Variants in CPEB3 observed in about 807,000 individuals in gnomAD.
CPEB3 encodes cytoplasmic polyadenylation element binding protein 3.
Under a neutral mutation model 67.2 loss-of-function variants are expected in CPEB3, and 20 were observed. The ratio of observed to expected loss-of-function variants is 0.30; its 90% CI spans 0.21 to 0.43. The LOEUF (loss-of-function observed/expected upper bound fraction) is 0.43, where lower values mean the gene tolerates loss of function less well. CPEB3 is among the 20% of genes least tolerant of loss of function. CPEB3 has a pLI of 1.00. For synonymous variants in CPEB3, 376 were observed against 393.1 expected (o/e 0.96, Z 0.51); for missense variants, 746 against 968.6 (o/e 0.77, Z 3.05).
intron 6 of CPEB3, among the ~76,000 whole-genome samples, chr10:92,133,865 CA>C: frequency 6.6e-6 from 1 of 152,088 alleles, no homozygotes; most frequent in Non-Finnish European, 1.5e-5. Context: ...TTCAACATTG[CA>C]AATCAATAAA....
intron 1 of CPEB3, among the ~76,000 whole-genome samples, chr10:92,269,540 C>T (rs1853209499): frequency 9.2e-5 from 14 of 151,820 alleles, no homozygotes; most frequent in Admixed American, 9.2e-4. Context: ...GCATCTTGAC[C>T]CAGCTGATGA....
chr10:92,093,592 C>T (rs984661602), intron 7 of CPEB3, among the ~76,000 whole-genome samples: 1 of 151,676 alleles, frequency 6.6e-6, no homozygotes, highest in Admixed American at 6.6e-5. Flanking sequence ...ACCTCCACCC[C>T]CCAGGTTCAA....
At chr10:92,174,454 AAGT>A (rs1848136691) in intron 4 of CPEB3, among the ~76,000 whole-genome samples, 1 of 152,224 alleles carries the variant, frequency 6.6e-6, no homozygotes, top group African/African-American at 2.4e-5. Context: ...CTAAAGTTCC[AAGT>A]TTCTTGGTGT....
intron 4 of CPEB3, among the ~76,000 whole-genome samples, chr10:92,152,179 C>A (rs1846996928): frequency 6.6e-6 from 1 of 152,212 alleles, no homozygotes; most frequent in African/African-American, 2.4e-5. Context: ...TAGGCTTCCT[C>A]AAAGTAAGCC....
At chr10:92,121,213 T>A (rs1041401952) in intron 6 of CPEB3, among the ~76,000 whole-genome samples, 14 of 151,132 alleles carry the variant, frequency 9.3e-5, no homozygotes, top group African/African-American at 3.4e-4. Flanking sequence ...TTTCACCATG[T>A]TGACCAGGAT....
intron 1 of CPEB3, among the ~76,000 whole-genome samples, chr10:92,287,655 T>C (rs1393476374): frequency 6.6e-6 from 1 of 152,128 alleles, no homozygotes; most frequent in Non-Finnish European, 1.5e-5. Context: ...ATTACTCTTT[T>C]AAAAGCTTTA....
At chr10:92,163,186 G>A (rs1847578199) in intron 4 of CPEB3, among the ~76,000 whole-genome samples, 1 of 152,158 alleles carries the variant, frequency 6.6e-6, no homozygotes. Context: ...TGTAATCCCA[G>A]CACTCTGGGA....
rs758844265 is a variant in CPEB3 at position 92,239,776 on chromosome 10, G to A, written c.575C>T (p.Ser192Leu). The change falls in exon 2 of 10, where the codon TCA becomes TTA. Residue 192 changes from serine (S) to leucine (L), a missense_variant. Physicochemically the swap from Ser to Leu is moderately radical, Grantham distance 145 (BLOSUM62 -2). Transcript: ENST00000265997. The surrounding 1 kb of genome is among the most constrained non-coding windows in gnomAD (Gnocchi z 6.0). ...PQAQPPQQRR[S>L]PASPSQAPYA... ...GGGCGCCTGGCTGGGGCTGGCGGGT[G>A]AGCGGCGCTGCTGCGGGGGCTGCGC... 1 of 1,423,430 alleles carries A rather than the reference G, an allele frequency of 7.0e-7. No homozygotes were observed. Among genetic ancestry groups the A allele is most frequent in the Non-Finnish European group, 9.1e-7 (1 of 1,096,244 alleles). The allele number at this position is 1,423,430 out of a possible 1,614,324, so 88.2% of individuals were successfully genotyped here. A position where few individuals can be genotyped will look rare whatever the true frequency, so the allele number is the denominator to read the frequency against.
At chr10:92,087,189 T>C (rs1291894460) in intron 8 of CPEB3, among the ~76,000 whole-genome samples, 3 of 152,238 alleles carry the variant, frequency 2.0e-5, no homozygotes, top group Admixed American at 1.3e-4. Context: ...ATTCAGGATA[T>C]ATGTTCTCTA....
chr10:92,126,757 A>G lies in CPEB3; in HGVS notation c.1454-15563T>C, dbSNP rs544468223. ...TTTATTATCCACCAGGTAAAATAGTATAAACTATTGGTCTGTCAGGTTCAA... is the reference window on the plus strand; with the variant it reads ...TTTATTATCCACCAGGTAAAATAGTGTAAACTATTGGTCTGTCAGGTTCAA... On this transcript the variant is annotated intron_variant, in intron 6 of 9. Coordinates refer to ENST00000265997, the MANE Select transcript of CPEB3 (RefSeq NM_014912.5). 2.0e-5 allele frequency among the ~76,000 whole-genome samples: 3 copies of G among 152,356 alleles called. No homozygotes were observed. The South Asian group carries it at 6.2e-4, about 32-fold the overall frequency.
intron 9 of CPEB3, among the ~76,000 whole-genome samples, chr10:92,071,287 C>A (rs953913879): frequency 1.3e-5 from 2 of 152,112 alleles, no homozygotes; most frequent in Non-Finnish European, 2.9e-5. Context: ...AAATTTCTAG[C>A]GGACAACATG....
At chr10:92,095,439 A>C (rs1843813713) in intron 7 of CPEB3, among the ~76,000 whole-genome samples, 1 of 152,046 alleles carries the variant, frequency 6.6e-6, no homozygotes, top group Non-Finnish European at 1.5e-5. Flanking sequence ...ATCTGTATGA[A>C]AAGTTGCACT....
intron 2 of CPEB3, among the ~76,000 whole-genome samples, chr10:92,229,718 G>C (rs1000500671): frequency 3.9e-5 from 6 of 152,140 alleles, no homozygotes; most frequent in Non-Finnish European, 8.8e-5. Flanking sequence ...ACATACACCT[G>C]TGTTTCCATA....
intron 1 of CPEB3, among the ~76,000 whole-genome samples, chr10:92,269,714 T>C (rs965005955): frequency 1.3e-5 from 2 of 152,064 alleles, no homozygotes; most frequent in Non-Finnish European, 2.9e-5. Context: ...TGCACCACTG[T>C]GCCCGGGTAC....
intron 8 of CPEB3, among the ~76,000 whole-genome samples, chr10:92,084,040 G>C (rs940499326): frequency 2.0e-5 from 3 of 151,906 alleles, no homozygotes; most frequent in Non-Finnish European, 4.4e-5. Context: ...AAATTAGCCG[G>C]GCGTGGTGGC....
intron 6 of CPEB3, among the ~76,000 whole-genome samples, chr10:92,142,214 G>T (rs193128708): frequency 3.3e-5 from 5 of 152,200 alleles, no homozygotes; most frequent in African/African-American, 4.8e-5. Context: ...CATTTATGAG[G>T]CACAGGAAGG....
intron 9 of CPEB3, among the ~76,000 whole-genome samples, chr10:92,065,678 C>T (rs547046817): frequency 6.6e-6 from 1 of 152,266 alleles, no homozygotes; most frequent in East Asian, 1.9e-4. Flanking sequence ...TAATAAATTA[C>T]ATTTAAACTA....
chr10:92,148,833 A>G (rs1332949364), intron 4 of CPEB3, among the ~76,000 whole-genome samples: 4 of 151,974 alleles, frequency 2.6e-5, no homozygotes, highest in African/African-American at 9.7e-5. Flanking sequence ...GTCAGGCATT[A>G]ATGTTCTATA....
At chr10:92,216,493 G>T in intron 2 of CPEB3, 1 of 1,613,034 alleles carries the variant, frequency 6.2e-7, no homozygotes, top group Non-Finnish European at 8.5e-7. Flanking sequence ...TTAAGAAAGC[G>T]GTGAAGCAGA....
Sources: allele counts gnomAD v4.1 joint callset (sites outside exome capture counted in the v4.1 genomes callset), GRCh38; gene constraint gnomAD v4.1.1; non-coding constraint Gnocchi (gnomAD v3.1); transcripts MANE v1.5; gene names NCBI Gene and HGNC (gene_info 2026-07-23, HGNC 2026-07-21).